The following HACE1 variants were observed in gnomAD, a reference collection of about 807,000 sequenced individuals.
HACE1 encodes the protein E3 ubiquitin-protein ligase HACE1.
In HACE1, 73 loss-of-function variants were observed where a neutral mutation model predicts 118.4. That is an observed-to-expected ratio of 0.62 (90% confidence interval 0.51 to 0.75). The LOEUF is 0.75. Among genes scored for constraint, HACE1 ranks in the 30% least tolerant of loss-of-function variants. The pLI is 0.00. For synonymous variants in HACE1, 368 were observed against 374.8 expected, an observed-to-expected ratio of 0.98 and a Z score of 0.21; for missense variants, 749 against 1,102.2, an observed-to-expected ratio of 0.68 and a Z score of 4.54.
intron 6 of HACE1, among the ~76,000 whole-genome samples, chr6:104,825,309 C>A (rs919277639): frequency 6.6e-6 from 1 of 151,996 alleles, no homozygotes; most frequent in Admixed American, 6.6e-5. Flanking sequence ...CACCTCTTTG[C>A]GAGGCAGATG....
intron 2 of HACE1, among the ~76,000 whole-genome samples, chr6:104,851,999 T>G (rs1222289050): frequency 6.6e-6 from 1 of 152,224 alleles, no homozygotes; most frequent in Non-Finnish European, 1.5e-5. Context: ...AGTAGTGACC[T>G]CTAAAAGAAA....
At chr6:104,745,491 G>A (rs370695894) in intron 20 of HACE1, among the ~76,000 whole-genome samples, 1 of 139,016 alleles carries the variant, frequency 7.2e-6, no homozygotes, top group Admixed American at 7.7e-5. Context: ...CTGTCACCCA[G>A]GCTGGAGTGC....
At chr6:104,784,267 A>C in intron 13 of HACE1, 94 bp from the exon 14 acceptor site, 1 of 881,408 alleles carries the variant, frequency 1.1e-6, no homozygotes, top group Non-Finnish European at 1.9e-6. Flanking sequence ...AACAGAAGAA[A>C]AACACATAAT....
chr6:104,766,258 A>C (rs1396347401), intron 19 of HACE1, among the ~76,000 whole-genome samples: 1 of 152,066 alleles, frequency 6.6e-6, no homozygotes, highest in Non-Finnish European at 1.5e-5. Context: ...TTGAAGAAAA[A>C]ATATATATGC....
At position 104,825,091 on chromosome 6, in the gene HACE1, A is replaced by G. The variant is rs565437597; in HGVS notation, c.534+7951T>C. 9.2e-5 allele frequency among the ~76,000 whole-genome samples: 14 copies of G among 151,826 alleles called. No individual in the cohort carries two copies. The East Asian group carries it at 1.6e-3, about 17-fold the overall frequency. ...AGCAAGACTCCGTCTCAAAAAAAAA[A>G]AAAAAAGAAAGAAAGAAATGCAAAG... On this transcript the variant is annotated intron_variant, in intron 6 of 23. Transcript: ENST00000262903.
At chr6:104,756,662 G>A (rs1392638608) in intron 19 of HACE1, among the ~76,000 whole-genome samples, 1 of 152,014 alleles carries the variant, frequency 6.6e-6, no homozygotes, top group African/African-American at 2.4e-5. Flanking sequence ...ATTTCCAACT[G>A]AGGTGACTGG....
intron 5 of HACE1, among the ~76,000 whole-genome samples, chr6:104,833,916 C>T (rs763151869): frequency 3.3e-5 from 5 of 151,996 alleles, no homozygotes; most frequent in Non-Finnish European, 7.4e-5. Context: ...ACCCAGGAGG[C>T]GGCAGTTGCG....
At chr6:104,762,389 G>A (rs1238778658) in intron 19 of HACE1, among the ~76,000 whole-genome samples, 2 of 152,166 alleles carry the variant, frequency 1.3e-5, no homozygotes, top group Non-Finnish European at 2.9e-5. Flanking sequence ...GTGAGTTCAT[G>A]TCCTTTGCAG....
At chr6:104,782,748 T>C (rs1781873720) in intron 14 of HACE1, among the ~76,000 whole-genome samples, 1 of 152,192 alleles carries the variant, frequency 6.6e-6, no homozygotes, top group Non-Finnish European at 1.5e-5. Flanking sequence ...ATTAAACAGA[T>C]GTCAAAAGAT....
intron 7 of HACE1, among the ~76,000 whole-genome samples, chr6:104,808,273 G>A (rs746672319): frequency 6.6e-5 from 10 of 151,924 alleles, no homozygotes; most frequent in Non-Finnish European, 1.5e-4. Context: ...AGGACAACAC[G>A]ACTTTATGCT....
intron 22 of HACE1, among the ~76,000 whole-genome samples, chr6:104,736,860 A>T (rs1321234796): frequency 6.6e-6 from 1 of 152,200 alleles, no homozygotes; most frequent in Non-Finnish European, 1.5e-5. Flanking sequence ...AATAAGCAAA[A>T]TGTTAATTGT....
chr6:104,795,419 T>G (rs887530772), intron 10 of HACE1, among the ~76,000 whole-genome samples, 160 bp downstream of exon 10: 1 of 152,190 alleles, frequency 6.6e-6, no homozygotes, highest in Non-Finnish European at 1.5e-5. Flanking sequence ...TTAGCAATAG[T>G]TGATTACCCT....
At chr6:104,789,540 C>A (rs1782790652) in intron 11 of HACE1, among the ~76,000 whole-genome samples, 1 of 151,906 alleles carries the variant, frequency 6.6e-6, no homozygotes, top group Non-Finnish European at 1.5e-5. Flanking sequence ...AACAGATATC[C>A]TTTTCTACTC....
chr6:104,784,773 C>G (rs1276598814), intron 12 of HACE1, among the ~76,000 whole-genome samples: 1 of 152,130 alleles, frequency 6.6e-6, no homozygotes, highest in Non-Finnish European at 1.5e-5. Flanking sequence ...AGATCCTATA[C>G]AAGGTGACAT....
chr6:104,760,924 T>A (rs1005725909), intron 19 of HACE1, among the ~76,000 whole-genome samples: 1 of 152,172 alleles, frequency 6.6e-6, no homozygotes, highest in Admixed American at 6.5e-5. Flanking sequence ...GAGAGACAAA[T>A]CATGAGTGAA....
At chr6:104,736,630 T>C (rs889001379) in intron 22 of HACE1, among the ~76,000 whole-genome samples, 7 of 152,162 alleles carry the variant, frequency 4.6e-5, no homozygotes, top group Admixed American at 2.0e-4. Context: ...GGAAGGGTGG[T>C]AAGTTATTGA....
At chr6:104,834,157 A>G (rs1298379975) in intron 5 of HACE1, among the ~76,000 whole-genome samples, 1 of 152,166 alleles carries the variant, frequency 6.6e-6, no homozygotes, top group Non-Finnish European at 1.5e-5. Context: ...CAAAAAAAAA[A>G]AAATCGTTTT....
At chr6:104,742,926 T>G (rs1776935022) in intron 22 of HACE1, among the ~76,000 whole-genome samples, 1 of 151,766 alleles carries the variant, frequency 6.6e-6, no homozygotes, top group Non-Finnish European at 1.5e-5. Flanking sequence ...TGTCCAACAA[T>G]GATAGACTGG....
At chr6:104,807,126 T>C (rs1187502095) in intron 7 of HACE1, among the ~76,000 whole-genome samples, 1 of 151,470 alleles carries the variant, frequency 6.6e-6, no homozygotes, top group Non-Finnish European at 1.5e-5. Flanking sequence ...CAGATTCAAG[T>C]GATTCTCCTG....
Sources: allele counts gnomAD v4.1 joint callset (sites outside exome capture counted in the v4.1 genomes callset), GRCh38; gene constraint gnomAD v4.1.1; transcripts MANE v1.5; gene names NCBI Gene and HGNC (gene_info 2026-07-23, HGNC 2026-07-21).